The following FBLN5 variants were observed in gnomAD, a reference collection of about 807,000 sequenced individuals.
The protein encoded by FBLN5 is fibulin 5.
A neutral mutation model predicts 61.6 loss-of-function variants in FBLN5; 24 were observed. That is an observed-to-expected ratio of 0.39 (90% CI 0.28 to 0.55). The LOEUF (loss-of-function observed/expected upper bound fraction) is 0.55. FBLN5 is among the 20% of genes least tolerant of loss of function. FBLN5 has a pLI of 0.65. For synonymous variants in FBLN5, 213 were observed against 219.8 expected (o/e 0.97, Z 0.27); for missense variants, 470 against 594.1 (o/e 0.79, Z 2.17).
At chr14:91,937,566 A>T (rs1465745285) in intron 3 of FBLN5, among the ~76,000 whole-genome samples, 1 of 152,188 alleles carries the variant, frequency 6.6e-6, no homozygotes, top group Admixed American at 6.5e-5. Flanking sequence ...GAATGGATTA[A>T]TCTACTCATA....
chr14:91,892,183 G>A (rs1010319730), intron 5 of FBLN5, among the ~76,000 whole-genome samples: 5 of 152,206 alleles, frequency 3.3e-5, no homozygotes, highest in African/African-American at 1.2e-4. Context: ...CCAAGCTGAT[G>A]TGATAATGGG....
At chr14:91,898,218 G>GGT (rs1555376160) in intron 4 of FBLN5, among the ~76,000 whole-genome samples, 1 of 151,902 alleles carries the variant, frequency 6.6e-6, no homozygotes, top group African/African-American at 2.4e-5. Flanking sequence ...TGGCGGGGGG[G>GGT]GCGGAATCTC....
intron 7 of FBLN5, among the ~76,000 whole-genome samples, chr14:91,885,217 C>G (rs1346785233): frequency 6.6e-6 from 1 of 152,222 alleles, no homozygotes; most frequent in Non-Finnish European, 1.5e-5. Context: ...CACACCAAGT[C>G]TTCAGGAGGG....
chr14:91,889,774 C>T (rs909445418), intron 6 of FBLN5, among the ~76,000 whole-genome samples: 3 of 152,220 alleles, frequency 2.0e-5, no homozygotes, highest in African/African-American at 7.2e-5. Flanking sequence ...GCTGAGTGCC[C>T]ATACCCAGGC....
At chr14:91,872,498 A>C (rs1888986609) in intron 10 of FBLN5, among the ~76,000 whole-genome samples, 1 of 152,134 alleles carries the variant, frequency 6.6e-6, no homozygotes, top group South Asian at 2.1e-4. Flanking sequence ...AGCTGGTTTA[A>C]AGCTACACTA....
At position 91,943,643 on chromosome 14, in the gene FBLN5, A is replaced by G. The variant is rs143345062; in HGVS notation, c.18-682T>C. Among the ~76,000 whole-genome samples, 1 of 152,324 alleles carries G rather than the reference A, an allele frequency of 6.6e-6. No homozygotes were observed. The highest frequency in any genetic ancestry group is 1.5e-5 in the Non-Finnish European group (1 of 68,026). On this transcript the variant is annotated intron_variant, in intron 1 of 10. Coordinates refer to ENST00000342058, the MANE Select transcript of FBLN5 (RefSeq NM_006329.4). This position sits in a 1 kb window ranked among gnomAD's most constrained non-coding sequence, Gnocchi z 4.0. ...ATGATTACAGAGTGAATAAGCCATC[A>G]TCATGCCCTCAAACAGTGAAAGGAA... is the stretch of plus-strand genomic sequence containing the variant.
intron 4 of FBLN5, among the ~76,000 whole-genome samples, chr14:91,910,266 C>T (rs1361335674): frequency 6.6e-6 from 1 of 152,086 alleles, no homozygotes; most frequent in African/African-American, 2.4e-5. Flanking sequence ...GTGAAACACG[C>T]CACTCACAAA....
At chr14:91,887,618 C>A (rs1006856) in intron 6 of FBLN5, among the ~76,000 whole-genome samples, 96 of 151,956 alleles carry the variant, frequency 6.3e-4, no homozygotes, top group African/African-American at 2.1e-3. Flanking sequence ...TCCAACGCAC[C>A]CCCCCAACCA....
chr14:91,881,978 C>A (rs562179429), intron 8 of FBLN5, among the ~76,000 whole-genome samples: 1 of 151,530 alleles, frequency 6.6e-6, no homozygotes, highest in Admixed American at 6.6e-5. Flanking sequence ...TGGTGGCATG[C>A]GCCTGTACTA....
chr14:91,922,156 G>A (rs1195217929), intron 4 of FBLN5, among the ~76,000 whole-genome samples: 1 of 152,018 alleles, frequency 6.6e-6, no homozygotes, highest in Non-Finnish European at 1.5e-5. Context: ...AGCTGGGCCT[G>A]GTGGCAGGTG....
intron 4 of FBLN5, among the ~76,000 whole-genome samples, chr14:91,923,778 C>T (rs1011493048): frequency 1.3e-5 from 2 of 152,138 alleles, no homozygotes; most frequent in Admixed American, 6.5e-5. Flanking sequence ...AGGGCAGGGA[C>T]AGCATCTCGT....
chr14:91,901,539 C>T (rs1890450519), intron 4 of FBLN5, among the ~76,000 whole-genome samples: 1 of 152,220 alleles, frequency 6.6e-6, no homozygotes, highest in African/African-American at 2.4e-5. Flanking sequence ...CACATTCCTA[C>T]ACCTCCAAGT....
intron 4 of FBLN5, among the ~76,000 whole-genome samples, chr14:91,903,979 A>T (rs1018649795): frequency 1.3e-5 from 2 of 152,158 alleles, no homozygotes; most frequent in African/African-American, 4.8e-5. Flanking sequence ...GCAAGTTTAC[A>T]TTTCCTCCCT....
chr14:91,931,362 C>T (rs1271292884), intron 4 of FBLN5, among the ~76,000 whole-genome samples: 2 of 152,202 alleles, frequency 1.3e-5, no homozygotes, highest in Admixed American at 6.5e-5. Context: ...ACATCCCCCT[C>T]GGTGCCTAGG....
At chr14:91,928,540 G>C (rs967729509) in intron 4 of FBLN5, among the ~76,000 whole-genome samples, 2 of 152,156 alleles carry the variant, frequency 1.3e-5, no homozygotes, top group African/African-American at 4.8e-5. Flanking sequence ...GGGAGGCCAA[G>C]GAAGGAGGAT....
chr14:91,922,160 G>A (rs2055747449), intron 4 of FBLN5, among the ~76,000 whole-genome samples: 1 of 151,990 alleles, frequency 6.6e-6, no homozygotes, highest in Admixed American at 6.6e-5. Flanking sequence ...GGGCCTGGTG[G>A]CAGGTGCCTG....
chr14:91,937,111 G>C lies in FBLN5; in HGVS notation c.215C>G (p.Thr72Arg), dbSNP rs757697110. The part of the protein sequence containing the change: ...QNGGYLCIPR[T>R]NPVYRGPYSN... ...GTAGGGCCCTCGATACACAGGGTTT[G>C]TCCGGGGAATGCATAAATACCCGCC... is the stretch of plus-strand genomic sequence containing the variant. Residue 72 changes from threonine to arginine, a missense_variant, in exon 4 of 11, where the codon ACA (threonine) becomes AGA (arginine). Physicochemically the swap from Thr to Arg is moderately conservative, Grantham distance 71. Transcript: ENST00000342058. 1 of 1,614,096 alleles carries C rather than the reference G, an allele frequency of 6.2e-7. No homozygotes were observed. The highest frequency in any genetic ancestry group is 8.5e-7 in the Non-Finnish European group (1 of 1,180,024).
At chr14:91,904,708 C>T in intron 4 of FBLN5, among the ~76,000 whole-genome samples, 1 of 152,234 alleles carries the variant, frequency 6.6e-6, no homozygotes. Context: ...GCACCAGTCC[C>T]AACGTGGGGG....
chr14:91,908,027 AG>A (rs1890756275), intron 4 of FBLN5, among the ~76,000 whole-genome samples: 1 of 152,226 alleles, frequency 6.6e-6, no homozygotes, highest in African/African-American at 2.4e-5. Flanking sequence ...CTGACACTAA[AG>A]GGTTGCGTCA....
Sources: allele counts gnomAD v4.1 joint callset (sites outside exome capture counted in the v4.1 genomes callset), GRCh38; gene constraint gnomAD v4.1.1; non-coding constraint Gnocchi (gnomAD v3.1); transcripts MANE v1.5; gene names NCBI Gene and HGNC (gene_info 2026-07-23, HGNC 2026-07-21).